Variants in RANBP2 observed in about 807,000 individuals in gnomAD.
RANBP2 encodes the protein RAN binding protein 2.
A neutral mutation model predicts 303.6 loss-of-function variants in RANBP2; 57 were observed. The ratio of observed to expected loss-of-function variants is 0.19; its 90% CI spans 0.15 to 0.23. The LOEUF is 0.23. RANBP2 is among the 10% of genes least tolerant of loss of function. The probability of loss-of-function intolerance (pLI) is 1.00; values close to 1 mark genes in which losing one functional copy is unlikely to be tolerated. For synonymous variants in RANBP2, 1,167 were observed against 1,301.5 expected, an observed-to-expected ratio of 0.90 and a Z score of 2.23; for missense variants, 3,138 against 3,780.8, an observed-to-expected ratio of 0.83 and a Z score of 4.46.
At chr2:109,692,273 A>AG in the RANBP2 span, among the ~76,000 whole-genome samples, 2 of 120,108 alleles carry the variant, frequency 1.7e-5, no homozygotes, top group Non-Finnish European at 3.5e-5. Flanking sequence ...GAAGGCAGAG[A>AG]GGGGGCTGCC....
chr2:109,215,113 T>A, the RANBP2 span, among the ~76,000 whole-genome samples: 3 of 152,164 alleles, frequency 2.0e-5, no homozygotes, highest in Admixed American at 2.0e-4. Context: ...TCCATACACA[T>A]CACAATTGAC....
the RANBP2 span, among the ~76,000 whole-genome samples, chr2:109,240,860 C>G: frequency 6.6e-6 from 1 of 150,574 alleles, no homozygotes; most frequent in Non-Finnish European, 1.5e-5. Flanking sequence ...CCACCCCTGC[C>G]CTTGGGAACT....
the RANBP2 span, among the ~76,000 whole-genome samples, chr2:108,848,349 A>G: frequency 1.3e-5 from 2 of 152,218 alleles, no homozygotes; most frequent in African/African-American, 2.4e-5. Flanking sequence ...GTAATGAGCC[A>G]TGAAAAAATG....
the RANBP2 span, among the ~76,000 whole-genome samples, chr2:109,247,498 C>T: frequency 6.6e-6 from 1 of 152,204 alleles, no homozygotes. Context: ...CATTATTCTT[C>T]CCACCTTAAG....
the RANBP2 span, among the ~76,000 whole-genome samples, chr2:108,966,396 T>C: frequency 6.6e-6 from 1 of 152,236 alleles, no homozygotes; most frequent in East Asian, 1.9e-4. Context: ...GCAGTGGCAT[T>C]GGAGGCCAGC....
Position 108,766,436 on chromosome 2 carries a change from C to T in RANBP2, c.5897C>T (p.Pro1966Leu), listed in dbSNP as rs397842524. The T allele has an allele frequency of 6.2e-6, 10 of 1,611,706 alleles. No individual in the cohort carries two copies. Among genetic ancestry groups the T allele is most frequent in the African/African-American group, 1.3e-5 (1 of 74,768 alleles). Residue 1966 changes from proline (P) to leucine (L), a missense_variant, in exon 20 of 29, where the codon CCC becomes CTC. This residue lies in a region of RANBP2 where 348 missense variants were observed against 360.4 expected (regional missense o/e 0.97). Coordinates refer to ENST00000283195, the MANE Select transcript of RANBP2 (RefSeq NM_006267.5). ...GEGFQFGKKD[P>L]NFKGFSGAGE... ...GGATTTCAGTTTGGCAAAAAAGACC[C>T]CAATTTCAAGGGATTTTCAGGTGCT... is the stretch of plus-strand genomic sequence containing the variant.
At chr2:109,156,416 G>T in the RANBP2 span, among the ~76,000 whole-genome samples, 2 of 152,156 alleles carry the variant, frequency 1.3e-5, no homozygotes, top group Non-Finnish European at 2.9e-5. Context: ...GAGTGATTCA[G>T]GGGAGAGGAT....
At chr2:108,923,486 G>A in the RANBP2 span, 28 of 1,601,332 alleles carry the variant, frequency 1.7e-5, no homozygotes, top group African/African-American at 3.1e-4. Flanking sequence ...AACAGAGACA[G>A]GTGAGCTGGA....
the RANBP2 span, among the ~76,000 whole-genome samples, chr2:109,350,784 A>C: frequency 3.9e-5 from 6 of 152,238 alleles, no homozygotes; most frequent in Non-Finnish European, 7.3e-5. Flanking sequence ...CCAGTGCTGC[A>C]GCGTAGGTGC....
At chr2:109,413,043 T>C in the RANBP2 span, among the ~76,000 whole-genome samples, 4 of 152,224 alleles carry the variant, frequency 2.6e-5, no homozygotes, top group African/African-American at 7.2e-5. Flanking sequence ...GTGCAGGTTT[T>C]TCGTATCATA....
the RANBP2 span, chr2:109,613,827 T>C: frequency 8.1e-7 from 1 of 1,236,620 alleles, no homozygotes; most frequent in Non-Finnish European, 1.0e-6. Context: ...GAGGAGGCCA[T>C]GGTCGCGGGC....
chr2:109,360,063 CA>C, the RANBP2 span, among the ~76,000 whole-genome samples: 47,053 of 135,026 alleles, frequency 0.35, 7,687 homozygotes, highest in South Asian at 0.39. Flanking sequence ...TTCCTTGCAC[CA>C]AAAAAAAAAA....
chr2:109,381,032 G>A, the RANBP2 span, among the ~76,000 whole-genome samples: 1 of 152,236 alleles, frequency 6.6e-6, no homozygotes, highest in African/African-American at 2.4e-5. Context: ...AGCAGTAGTT[G>A]TGAAATTGTG....
the RANBP2 span, among the ~76,000 whole-genome samples, chr2:109,076,960 G>C: frequency 6.6e-6 from 1 of 150,454 alleles, no homozygotes; most frequent in African/African-American, 2.4e-5. Context: ...GAAGAAGAAA[G>C]TTAGAGTCAT....
chr2:108,897,649 G>A, the RANBP2 span, among the ~76,000 whole-genome samples: 20,508 of 152,160 alleles, frequency 0.13, 2,466 homozygotes, highest in African/African-American at 0.32. Context: ...TCAACTTTGT[G>A]ATGGCTGCTC....
the RANBP2 span, among the ~76,000 whole-genome samples, chr2:109,282,666 G>A: frequency 6.6e-6 from 1 of 152,230 alleles, no homozygotes; most frequent in Non-Finnish European, 1.5e-5. Flanking sequence ...TTTGCTTGGA[G>A]CACTTCACTT....
chr2:109,301,354 T>TG, the RANBP2 span, among the ~76,000 whole-genome samples: 22 of 69,976 alleles, frequency 3.1e-4, no homozygotes, highest in Non-Finnish European at 1.2e-4. Flanking sequence ...GTGTGTGTGT[T>TG]TGTGTATGTT....
At chr2:109,390,978 C>T in the RANBP2 span, among the ~76,000 whole-genome samples, 2 of 152,166 alleles carry the variant, frequency 1.3e-5, no homozygotes, top group Admixed American at 6.5e-5. Context: ...GGCCAACTGC[C>T]CCCAAGCAGC....
chr2:109,720,016 G>C, the RANBP2 span, among the ~76,000 whole-genome samples: 1 of 152,164 alleles, frequency 6.6e-6, no homozygotes, highest in African/African-American at 2.4e-5. Flanking sequence ...GTGATCGGCT[G>C]CACCTGGCTA....
Sources: gnomAD v4.1 joint callset for allele counts (sites outside exome capture counted in the v4.1 genomes callset) on GRCh38, gnomAD v4.1.1 for gene constraint, gnomAD v4.1.1 regional missense constraint, MANE v1.5 for transcripts, NCBI Gene and HGNC (gene_info 2026-07-23, HGNC 2026-07-21) for gene names.